The following PTPRT variants were observed in gnomAD, a reference collection of about 807,000 sequenced individuals.
The protein encoded by PTPRT is receptor-type tyrosine-protein phosphatase T.
PTPRT carries 56 observed loss-of-function variants against 176.8 expected under a neutral mutation model. The observed-to-expected ratio is 0.32, with a 90% CI of 0.26 to 0.40. The LOEUF is 0.40. Ranked by LOEUF, PTPRT falls within the 10% of genes least tolerant of loss-of-function variation. The pLI, the probability that PTPRT is intolerant of heterozygous loss-of-function variation, is 1.00. For missense variants in PTPRT, 1,540 were observed against 1,908.2 expected, an observed-to-expected ratio of 0.81 and a Z score of 3.60; for synonymous variants, 783 against 739.0, an observed-to-expected ratio of 1.06 and a Z score of -0.96.
intron 14 of PTPRT, among the ~76,000 whole-genome samples, chr20:42,236,751 C>T (rs1186829165): frequency 1.3e-5 from 2 of 152,040 alleles, no homozygotes; most frequent in African/African-American, 4.8e-5. Flanking sequence ...GATAAAGTCA[C>T]ATCAGAGTCT....
chr20:43,026,794 A>G (rs937847079), intron 1 of PTPRT, among the ~76,000 whole-genome samples: 5 of 152,006 alleles, frequency 3.3e-5, no homozygotes, highest in African/African-American at 1.2e-4. Context: ...TTTAATTTTT[A>G]GCTCCCAAAA....
intron 2 of PTPRT, among the ~76,000 whole-genome samples, chr20:42,807,947 T>A (rs1211094054): frequency 6.6e-6 from 1 of 152,164 alleles, no homozygotes; most frequent in Admixed American, 6.5e-5. Flanking sequence ...AAGAAACTTG[T>A]CTCCCCAGCT....
chr20:43,150,068 C>A (rs1311772321), intron 1 of PTPRT, among the ~76,000 whole-genome samples: 2 of 152,196 alleles, frequency 1.3e-5, no homozygotes, highest in Admixed American at 6.5e-5. Flanking sequence ...TGTTTAAAAA[C>A]TTAGCCAACA....
chr20:42,080,869 T>G lies in PTPRT; in HGVS notation c.*10A>C. The G allele has an allele frequency of 6.2e-7, 1 of 1,606,392 alleles. No individual in the cohort carries two copies. Among genetic ancestry groups the G allele is most frequent in the Non-Finnish European group, 8.5e-7 (1 of 1,173,792 alleles). On this transcript the variant is annotated 3_prime_UTR_variant, in exon 31 of 31. Transcript: ENST00000373187. Reference sequence around the variant, plus strand: ...CCTCTGGACTCCGGCAGGTTCCCCATCCCATTGAGCTAAAAGGAGCTTAAA... The same window carrying G: ...CCTCTGGACTCCGGCAGGTTCCCCAGCCCATTGAGCTAAAAGGAGCTTAAA...
chr20:42,436,237 G>A (rs576778335), intron 9 of PTPRT, among the ~76,000 whole-genome samples: 13 of 152,190 alleles, frequency 8.5e-5, no homozygotes, highest in African/African-American at 2.9e-4. Context: ...TAAACAAAGT[G>A]ATAAAATTGG....
At chr20:42,475,682 G>A (rs1366801501) in intron 7 of PTPRT, among the ~76,000 whole-genome samples, 1 of 152,198 alleles carries the variant, frequency 6.6e-6, no homozygotes, top group Non-Finnish European at 1.5e-5. Context: ...CTGCGGGAGA[G>A]AGTGGTACAG....
At chr20:42,808,695 GTAGA>G (rs1335824215) in intron 2 of PTPRT, among the ~76,000 whole-genome samples, 1 of 152,154 alleles carries the variant, frequency 6.6e-6, no homozygotes, top group Non-Finnish European at 1.5e-5. Context: ...GATGCGTCAA[GTAGA>G]TAGTTTTCAT....
chr20:42,560,363 T>C (rs6030328), intron 7 of PTPRT, among the ~76,000 whole-genome samples: 35,688 of 152,130 alleles, frequency 0.23, 4,738 homozygotes, highest in African/African-American at 0.36. Context: ...GCAGCATTTC[T>C]CAACCTCAGT....
chr20:42,423,178 T>A (rs377460566), intron 9 of PTPRT, among the ~76,000 whole-genome samples: 1,182 of 87,804 alleles, frequency 0.013, no homozygotes, highest in South Asian at 0.018. Context: ...ACCTTAAAAG[T>A]AAAAAAAAAA....
At chr20:43,003,888 T>G (rs1397175868) in intron 1 of PTPRT, among the ~76,000 whole-genome samples, 1 of 152,124 alleles carries the variant, frequency 6.6e-6, no homozygotes, top group Non-Finnish European at 1.5e-5. Flanking sequence ...GACTCAAAAG[T>G]CCAAGTTGAA....
intron 1 of PTPRT, among the ~76,000 whole-genome samples, chr20:43,151,076 G>A (rs2014334835): frequency 6.6e-6 from 1 of 152,014 alleles, no homozygotes; most frequent in Non-Finnish European, 1.5e-5. Flanking sequence ...GGAGGCCTAG[G>A]AGGGCAGATC....
At chr20:42,309,182 G>A (rs2057589668) in intron 12 of PTPRT, among the ~76,000 whole-genome samples, 1 of 152,164 alleles carries the variant, frequency 6.6e-6, no homozygotes, top group Admixed American at 6.5e-5. Context: ...AACAAAAGGT[G>A]GCTTCTGATG....
chr20:42,549,091 T>C (rs530806269), intron 7 of PTPRT, among the ~76,000 whole-genome samples: 101 of 152,218 alleles, frequency 6.6e-4, no homozygotes, highest in Middle Eastern at 3.4e-3. Flanking sequence ...GACATTCAAC[T>C]CCAATTTATA....
intron 7 of PTPRT, among the ~76,000 whole-genome samples, chr20:42,551,666 C>T (rs754154566): frequency 1.2e-4 from 19 of 152,154 alleles, no homozygotes; most frequent in Admixed American, 1.2e-3. Flanking sequence ...CAATTTCTAG[C>T]TTGTTGACTT....
intron 18 of PTPRT, among the ~76,000 whole-genome samples, chr20:42,141,070 G>A (rs1310929636): frequency 6.6e-6 from 1 of 152,166 alleles, no homozygotes; most frequent in African/African-American, 2.4e-5. Context: ...GTCATTCACT[G>A]GGGGTGCCTA....
intron 16 of PTPRT, among the ~76,000 whole-genome samples, chr20:42,191,660 T>C (rs1221610325): frequency 1.3e-5 from 2 of 152,096 alleles, no homozygotes; most frequent in East Asian, 3.9e-4. Flanking sequence ...AGGGTGTGGG[T>C]GCTGCAGGAA....
At chr20:42,244,029 G>A (rs1307519796) in intron 14 of PTPRT, among the ~76,000 whole-genome samples, 1 of 152,152 alleles carries the variant, frequency 6.6e-6, no homozygotes, top group Non-Finnish European at 1.5e-5. Context: ...TGTAGATATT[G>A]TGCATTGTAA....
At chr20:42,610,625 A>C (rs752315774) in intron 7 of PTPRT, among the ~76,000 whole-genome samples, 50 of 152,150 alleles carry the variant, frequency 3.3e-4, no homozygotes, top group Admixed American at 1.0e-3. Context: ...TAAATAAGTC[A>C]CCTGCTTGTG....
At chr20:42,065,183 C>A in the PTPRT span, among the ~76,000 whole-genome samples, 1 of 152,210 alleles carries the variant, frequency 6.6e-6, no homozygotes, top group Non-Finnish European at 1.5e-5. Flanking sequence ...AGACTGAACC[C>A]TTTCAGAATT....
Sources: allele counts gnomAD v4.1 joint callset (sites outside exome capture counted in the v4.1 genomes callset), GRCh38; gene constraint gnomAD v4.1.1; transcripts MANE v1.5; gene names NCBI Gene and HGNC (gene_info 2026-07-23, HGNC 2026-07-21).